The following OSTF1 variants were observed in gnomAD, a reference collection of about 807,000 sequenced individuals.
OSTF1 encodes osteoclast-stimulating factor 1.
A neutral mutation model predicts 37.2 loss-of-function variants in OSTF1; 27 were observed. The ratio of observed to expected loss-of-function variants is 0.73; its 90% CI spans 0.54 to 1.00. OSTF1 has a LOEUF of 1.00. OSTF1 is among the 50% of genes least tolerant of loss of function. OSTF1 has a pLI of 0.00. For missense variants in OSTF1, 232 were observed against 253.8 expected, an observed-to-expected ratio of 0.91 and a Z score of 0.58; for synonymous variants, 82 against 89.2, an observed-to-expected ratio of 0.92 and a Z score of 0.46.
chr9:75,116,475 G>A lies in OSTF1; in HGVS notation c.35-1029G>A, dbSNP rs574960638. 4.6e-5 allele frequency among the ~76,000 whole-genome samples: 7 copies of A among 152,164 alleles called. No individual in the cohort carries two copies. In the South Asian group the frequency reaches 1.2e-3, roughly 27 times the overall value. ...AGTGATTATAGTCCGGAGTGTCATG[G>A]AAATGCAGTCTACGAAGAGAGAAAG... On this transcript the variant is annotated intron_variant, in intron 1 of 9. Coordinates refer to ENST00000346234, the MANE Select transcript of OSTF1 (RefSeq NM_012383.5).
At chr9:75,091,099 T>G (rs960515316) in intron 1 of OSTF1, among the ~76,000 whole-genome samples, 1 of 149,568 alleles carries the variant, frequency 6.7e-6, no homozygotes, top group African/African-American at 2.5e-5. Context: ...TTTTTTTTTT[T>G]TTTTGAGACA....
intron 1 of OSTF1, among the ~76,000 whole-genome samples, chr9:75,097,104 A>G (rs984086573): frequency 1.3e-5 from 2 of 152,236 alleles, no homozygotes; most frequent in Non-Finnish European, 2.9e-5. Context: ...TTTGCAACAG[A>G]AACCATTCCT....
chr9:75,127,618 T>C lies in OSTF1; in HGVS notation c.131T>C (p.Met44Thr). 1 of 1,547,816 alleles carries C rather than the reference T, an allele frequency of 6.5e-7. No individual in the cohort carries two copies. Residue 44 changes from methionine (M) to threonine (T), a missense_variant and splice_region_variant, in exon 3 of 10, where the codon ATG becomes ACG. By Grantham distance (81) the Met-to-Thr change is moderately conservative. Coordinates refer to ENST00000346234, the MANE Select transcript of OSTF1 (RefSeq NM_012383.5). ...EEGDIIYITDMSDTNWWKGTS... is the reference protein window; with the variant it reads ...EEGDIIYITDTSDTNWWKGTS... ...GGTGATATTATCTACATTACTGACA[T>C]GGTAAGTCCAGATAACATCTTGTAA...
intron 9 of OSTF1, among the ~76,000 whole-genome samples, chr9:75,143,265 T>C (rs1434686721): frequency 1.3e-5 from 2 of 152,168 alleles, no homozygotes; most frequent in African/African-American, 2.4e-5. Flanking sequence ...AAAATTCACA[T>C]TTTGCAGTTA....
At chr9:75,131,690 A>C in intron 4 of OSTF1, 80 bp from the exon 5 acceptor site, 1 of 976,486 alleles carries the variant, frequency 1.0e-6, no homozygotes, top group Non-Finnish European at 1.7e-6. Flanking sequence ...AAGCTGGGGG[A>C]CTGTGGTGAA....
chr9:75,109,205 G>A (rs1825342571), intron 1 of OSTF1, among the ~76,000 whole-genome samples: 1 of 151,942 alleles, frequency 6.6e-6, no homozygotes, highest in Non-Finnish European at 1.5e-5. Context: ...TAGAGATGAG[G>A]TTTCACCGTG....
chr9:75,109,973 A>T (rs11144234), intron 1 of OSTF1, among the ~76,000 whole-genome samples: 33,434 of 151,984 alleles, frequency 0.22, 3,777 homozygotes, highest in Admixed American at 0.24. Context: ...TTTCTCATAT[A>T]CCCCTGCTGC....
At chr9:75,119,694 C>T (rs888778282) in intron 2 of OSTF1, among the ~76,000 whole-genome samples, 5 of 152,110 alleles carry the variant, frequency 3.3e-5, no homozygotes, top group African/African-American at 9.7e-5. Context: ...TCGCTGGGCA[C>T]GGTGGCTCAC....
At chr9:75,143,575 G>C (rs952167502) in intron 9 of OSTF1, among the ~76,000 whole-genome samples, 14 of 152,262 alleles carry the variant, frequency 9.2e-5, no homozygotes, top group Non-Finnish European at 1.6e-4. Context: ...TTTTGTGACT[G>C]ACCTCTTTCA....
chr9:75,089,239 C>G (rs79651981), intron 1 of OSTF1, among the ~76,000 whole-genome samples: 3,811 of 150,886 alleles, frequency 0.025, 90 homozygotes, highest in Middle Eastern at 0.11. Flanking sequence ...AAATTGACCT[C>G]GGGATCTTGG....
chr9:75,143,040 A>T (rs940808318), intron 9 of OSTF1, among the ~76,000 whole-genome samples: 23 of 151,846 alleles, frequency 1.5e-4, no homozygotes, highest in South Asian at 4.2e-4. Context: ...CCCGGGCTCA[A>T]GTGATTCTCC....
chr9:75,115,059 C>T (rs763713903), intron 1 of OSTF1, among the ~76,000 whole-genome samples: 10 of 152,094 alleles, frequency 6.6e-5, no homozygotes, highest in Admixed American at 3.3e-4. Context: ...TCTATATAAA[C>T]GCATGTGGAT....
At chr9:75,141,312 C>CAAAAAAAAAAAAAAAAAAAAAAAAAACA (rs1825939650) in intron 9 of OSTF1, among the ~76,000 whole-genome samples, 1 of 71,680 alleles carries the variant, frequency 1.4e-5, no homozygotes, top group Admixed American at 1.9e-4. Context: ...AAAAGAAAAC[C>CAAAAAAAAAAAAAAAAAAAAAAAAAACA]AAAAAAAAAA....
At chr9:75,143,784 G>A (rs1008078417) in intron 9 of OSTF1, among the ~76,000 whole-genome samples, 3 of 152,154 alleles carry the variant, frequency 2.0e-5, no homozygotes, top group African/African-American at 4.8e-5. Flanking sequence ...ATTCCTATGC[G>A]TGCTATGCCC....
At chr9:75,115,869 T>C (rs1825479695) in intron 1 of OSTF1, among the ~76,000 whole-genome samples, 1 of 152,018 alleles carries the variant, frequency 6.6e-6, no homozygotes, top group Non-Finnish European at 1.5e-5. Context: ...TTTGGGAGTC[T>C]CAGGCAGGCA....
At chr9:75,125,025 A>G (rs1036241378) in intron 2 of OSTF1, among the ~76,000 whole-genome samples, 6 of 152,340 alleles carry the variant, frequency 3.9e-5, no homozygotes, top group Non-Finnish European at 8.8e-5. Flanking sequence ...TCTTCAAGGC[A>G]TTGAACTCTT....
intron 1 of OSTF1, 141 bp downstream of exon 1, chr9:75,088,867 T>C: frequency 1.3e-6 from 1 of 763,720 alleles, no homozygotes; most frequent in Non-Finnish European, 2.2e-6. Context: ...GGATGGGCGC[T>C]CTTAGTTTTG....
At chr9:75,137,426 G>A (rs1379037911) in intron 7 of OSTF1, 112 bp from the exon 8 acceptor site, 13 of 672,992 alleles carry the variant, frequency 1.9e-5, no homozygotes, top group East Asian at 1.9e-4. Flanking sequence ...CTATAACTTT[G>A]TTCCCATTTT....
chr9:75,106,813 G>C (rs1825293558), intron 1 of OSTF1, among the ~76,000 whole-genome samples: 1 of 148,798 alleles, frequency 6.7e-6, no homozygotes, highest in Non-Finnish European at 1.5e-5. Context: ...AATTAGCTGG[G>C]TGTGGTGTTG....
Sources: gnomAD v4.1 joint callset for allele counts (sites outside exome capture counted in the v4.1 genomes callset) on GRCh38, gnomAD v4.1.1 for gene constraint, MANE v1.5 for transcripts, NCBI Gene and HGNC (gene_info 2026-07-23, HGNC 2026-07-21) for gene names.